TPH2: variants seen among roughly 807,000 people sequenced by gnomAD.
The protein encoded by TPH2 is tryptophan 5-hydroxylase 2.
A neutral mutation model predicts 59.1 loss-of-function variants in TPH2; 27 were observed. The observed-to-expected ratio is 0.46, with a 90% CI of 0.34 to 0.63. The LOEUF (loss-of-function observed/expected upper bound fraction) is 0.63, where lower values mean the gene tolerates loss of function less well. Among genes scored for constraint, TPH2 ranks in the 30% least tolerant of loss-of-function variants. The pLI, the probability that TPH2 is intolerant of heterozygous loss-of-function variation, is 0.01. For missense variants in TPH2, 523 were observed against 588.3 expected (o/e 0.89, Z 1.15); for synonymous variants, 220 against 210.5 (o/e 1.05, Z -0.39).
Position 71,949,688 on chromosome 12 carries a change from G to A in TPH2, c.608+33G>A, listed in dbSNP as rs781671129. ...CCTGTATAACTCTTTCTTGTCACTG[G>A]CTAGTTAGGAAAAACACATGCTGTG... On this transcript the variant is annotated intron_variant, in intron 5 of 10. Transcript: ENST00000333850. 1.9e-6 allele frequency: 3 copies of A among 1,572,068 alleles called. No homozygotes were observed. The African/African-American group carries it at 4.1e-5, about 21-fold the overall frequency.
chr12:72,001,513 C>T (rs1231499353), intron 8 of TPH2, among the ~76,000 whole-genome samples: 1 of 151,854 alleles, frequency 6.6e-6, no homozygotes, highest in Non-Finnish European at 1.5e-5. Flanking sequence ...GTAACCTCCG[C>T]CTCCCAGGTT....
At chr12:72,015,564 C>G (rs912192006) in intron 8 of TPH2, among the ~76,000 whole-genome samples, 4 of 151,968 alleles carry the variant, frequency 2.6e-5, no homozygotes, top group Non-Finnish European at 5.9e-5. Context: ...CGTGATCCAC[C>G]CGCGTCGGTC....
chr12:72,016,064 T>A lies in TPH2; in HGVS notation c.1069-6335T>A, dbSNP rs751791280. ...TTGTAGATGGGAAACTTGTGCATGA[T>A]TCCTAGCTCTGGCAACCACTAGTTT... On this transcript the variant is annotated intron_variant, in intron 8 of 10. Transcript: ENST00000333850. Among the ~76,000 whole-genome samples the A allele has an allele frequency of 3.5e-4, 53 of 152,318 alleles. 1 individual carries two copies. Among genetic ancestry groups the A allele is most frequent in the Middle Eastern group, 3.4e-3 (1 of 294 alleles).
chr12:72,015,471 C>G (rs1398986888), intron 8 of TPH2, among the ~76,000 whole-genome samples: 1 of 151,854 alleles, frequency 6.6e-6, no homozygotes, highest in East Asian at 1.9e-4. Context: ...AGGTGCCCAC[C>G]ACCACGCCCA....
chr12:71,948,425 G>A (rs559712011), intron 4 of TPH2, among the ~76,000 whole-genome samples: 11 of 152,228 alleles, frequency 7.2e-5, no homozygotes, highest in African/African-American at 2.2e-4. Context: ...CTGAAAGAAA[G>A]GTTGTTGACA....
intron 5 of TPH2, among the ~76,000 whole-genome samples, chr12:71,951,686 G>A (rs1871351382): frequency 6.9e-6 from 1 of 143,968 alleles, no homozygotes; most frequent in Non-Finnish European, 1.5e-5. Flanking sequence ...TATGTTTTAT[G>A]TATGTGTGTG....
chr12:72,030,352 G>A (rs1873687393), intron 9 of TPH2, among the ~76,000 whole-genome samples: 1 of 152,106 alleles, frequency 6.6e-6, no homozygotes, highest in South Asian at 2.1e-4. Flanking sequence ...CTGGATATCT[G>A]CATTTTCATA....
intron 8 of TPH2, among the ~76,000 whole-genome samples, chr12:72,015,209 C>T (rs778444864): frequency 6.6e-6 from 1 of 150,882 alleles, no homozygotes; most frequent in Non-Finnish European, 1.5e-5. Context: ...TATACATTGA[C>T]ATACTAGTTG....
chr12:71,939,747 A>G (rs982885663), intron 1 of TPH2, among the ~76,000 whole-genome samples: 2 of 152,250 alleles, frequency 1.3e-5, no homozygotes, highest in African/African-American at 4.8e-5. Flanking sequence ...TCTACAGGAT[A>G]AAAAAGCAGT....
At chr12:71,992,525 G>A (rs112968128) in intron 7 of TPH2, among the ~76,000 whole-genome samples, 6,450 of 151,732 alleles carry the variant, frequency 0.043, 265 homozygotes, top group South Asian at 0.17. Flanking sequence ...GATCGCTTGA[G>A]CCCAGGAGGT....
At chr12:71,985,727 G>T (rs1448142811) in intron 7 of TPH2, among the ~76,000 whole-genome samples, 1 of 151,982 alleles carries the variant, frequency 6.6e-6, no homozygotes, top group Non-Finnish European at 1.5e-5. Context: ...CTTTTATTTG[G>T]TGACCCTGAT....
At chr12:71,949,881 A>G (rs903395766) in intron 5 of TPH2, among the ~76,000 whole-genome samples, 8 of 151,924 alleles carry the variant, frequency 5.3e-5, no homozygotes, top group African/African-American at 1.9e-4. Context: ...TGCTACGTTT[A>G]CACCATTGTT....
At chr12:71,978,916 T>C (rs569190729) in intron 6 of TPH2, 36 bp from the exon 7 acceptor site, 2 of 1,613,990 alleles carry the variant, frequency 1.2e-6, no homozygotes, top group Admixed American at 1.7e-5. Context: ...TCTTGCTGGG[T>C]TAATATTTAG....
rs145455635 is a variant in TPH2, at chr12:71,946,303, A to G, written c.540+1617A>G. Among the ~76,000 whole-genome samples the G allele has an allele frequency of 2.6e-5, 4 of 152,310 alleles. No homozygotes were observed. The East Asian group carries it at 7.7e-4, about 29-fold the overall frequency. On this transcript the variant is annotated intron_variant, in intron 4 of 10. Transcript: ENST00000333850. The stretch of plus-strand genomic sequence containing the variant: ...TGCCTGGACACTAAAGGATTTTTTG[A>G]TAACCTCCTATTTCCAAATGCTCCC...
rs1325243627 is a variant in TPH2 at position 71,939,058 on chromosome 12, G to A, written c.72G>A (p.Val24=). 2 of 1,613,996 alleles carry A rather than the reference G, an allele frequency of 1.2e-6. No individual in the cohort carries two copies. The highest frequency in any genetic ancestry group is 1.7e-6 in the Non-Finnish European group (2 of 1,180,036). Residue 24 remains valine, a synonymous_variant, in exon 1 of 11, where the codon GTG becomes GTA. Transcript: ENST00000333850. The part of the protein sequence containing the change: ...ARRGFSLDSA[V]PEEHQLLGSS... ...GAGGGTTTTCCCTGGATTCAGCAGTGCCCGAAGAGCATCAGCTACTTGGCA... is the reference window on the plus strand; with the variant it reads ...GAGGGTTTTCCCTGGATTCAGCAGTACCCGAAGAGCATCAGCTACTTGGCA...
intron 1 of TPH2, among the ~76,000 whole-genome samples, chr12:71,939,929 T>C (rs1329380351): frequency 6.6e-6 from 1 of 152,240 alleles, no homozygotes; most frequent in Non-Finnish European, 1.5e-5. Context: ...TAGAATCATC[T>C]GTTTTAATTT....
At chr12:71,995,039 G>T (rs1486662741) in intron 8 of TPH2, among the ~76,000 whole-genome samples, 1 of 152,092 alleles carries the variant, frequency 6.6e-6, no homozygotes, top group Non-Finnish European at 1.5e-5. Flanking sequence ...TAAAGTAGGG[G>T]TTGCACCTGA....
intron 5 of TPH2, among the ~76,000 whole-genome samples, chr12:71,951,495 A>G (rs1322676008): frequency 6.6e-6 from 1 of 152,156 alleles, no homozygotes; most frequent in Non-Finnish European, 1.5e-5. Context: ...GTGTGCCACC[A>G]TGCCCAGCTA....
At chr12:71,972,462 A>G in intron 5 of TPH2, 57 bp from the exon 6 acceptor site, 1 of 1,571,166 alleles carries the variant, frequency 6.4e-7, no homozygotes, top group Non-Finnish European at 8.8e-7. Flanking sequence ...GAGGTGAGAA[A>G]ATACTTAACT....
Sources: gnomAD v4.1 joint callset for allele counts (sites outside exome capture counted in the v4.1 genomes callset) on GRCh38, gnomAD v4.1.1 for gene constraint, MANE v1.5 for transcripts, NCBI Gene and HGNC (gene_info 2026-07-23, HGNC 2026-07-21) for gene names.